TEF: variants seen among roughly 807,000 people sequenced by gnomAD.
TEF encodes the protein TEF transcription factor, PAR bZIP family member, also known as thyrotroph embryonic factor.
TEF carries 3 observed loss-of-function variants against 20.8 expected under a neutral mutation model. That is an observed-to-expected ratio of 0.14 (90% CI 0.07 to 0.37). The LOEUF (loss-of-function observed/expected upper bound fraction) is 0.37, where lower values mean the gene tolerates loss of function less well. TEF is among the 10% of genes least tolerant of loss of function. The probability of loss-of-function intolerance (pLI) is 1.00; values close to 1 mark genes in which losing one functional copy is unlikely to be tolerated. For missense variants in TEF, 296 were observed against 397.9 expected (o/e 0.74, Z 2.18); for synonymous variants, 180 against 171.1 (o/e 1.05, Z -0.41).
intron 1 of TEF, among the ~76,000 whole-genome samples, chr22:41,370,316 T>C (rs1020006470): frequency 6.7e-6 from 1 of 150,252 alleles, no homozygotes; most frequent in Admixed American, 6.7e-5. Flanking sequence ...GGTTTCACCA[T>C]GTTGGCCAAG....
rs1285954645 is a variant in TEF, at chr22:41,397,110, A to G, written c.*1150A>G. ...CTGCCCGGAGGGTGTCAGCAGGGCA[A>G]GACACCTAGTCTAGAGTCACCAAGG... On this transcript the variant is annotated 3_prime_UTR_variant, in exon 4 of 4. Coordinates refer to ENST00000266304, the MANE Select transcript of TEF (RefSeq NM_003216.4). The G allele has an allele frequency of 1.0e-5, 4 of 398,592 alleles. No homozygotes were observed. The highest frequency in any genetic ancestry group is 1.3e-5 in the Non-Finnish European group (3 of 226,148). 24.7% of individuals were successfully genotyped at this position (398,592 alleles called of 1,614,324 possible).
intron 1 of TEF, among the ~76,000 whole-genome samples, chr22:41,382,532 G>C (rs1007602036): frequency 1.3e-5 from 2 of 152,120 alleles, no homozygotes; most frequent in African/African-American, 4.8e-5. Context: ...TGTTTAAATT[G>C]CTGGTTCCTG....
At chr22:41,389,323 C>T (rs1347091171) in intron 2 of TEF, among the ~76,000 whole-genome samples, 1 of 152,060 alleles carries the variant, frequency 6.6e-6, no homozygotes, top group African/African-American at 2.4e-5. Flanking sequence ...ATGGCGTGAA[C>T]CCAGGAGGCA....
At position 41,382,126 on chromosome 22, in the gene TEF, G is replaced by GAAAGGGGCCT; in HGVS notation, c.83_92dup (p.Ser32LysfsTer26). 1 of 1,235,832 alleles carries GAAAGGGGCCT rather than the reference G, an allele frequency of 8.1e-7. No homozygotes were observed. The highest frequency in any genetic ancestry group is 1.0e-6 in the Non-Finnish European group (1 of 990,006). 76.6% of individuals were successfully genotyped at this position (1,235,832 alleles called of 1,614,324 possible). A position where few individuals can be genotyped will look rare whatever the true frequency, so the allele number is the denominator to read the frequency against. ...TCCGGGGCCGGGGCGCGCAGCTGGG[G>GAAAGGGGCCT]AAAGGGGCCTGTCGGGGTCCTTCCC... On this transcript the variant is annotated frameshift_variant, in exon 1 of 4. Coordinates refer to ENST00000266304, the MANE Select transcript of TEF (RefSeq NM_003216.4). LOFTEE classifies it high-confidence loss of function.
chr22:41,385,321 T>C (rs2037084545), intron 1 of TEF, among the ~76,000 whole-genome samples: 1 of 151,940 alleles, frequency 6.6e-6, no homozygotes, highest in Non-Finnish European at 1.5e-5. Context: ...GACCGCGCCA[T>C]TGCACTCCAG....
rs372197600 is a variant in TEF, at chr22:41,387,686, G to C, written c.475+18G>C. On this transcript the variant is annotated intron_variant, in intron 2 of 3. Transcript: ENST00000266304. The stretch of plus-strand genomic sequence containing the variant: ...CAGCACAGGTTGGTGAAAGGCCATC[G>C]AGGAGGGCCACCTGTCCCATCCAGG... The C allele has an allele frequency of 5.6e-6, 9 of 1,596,330 alleles. No individual in the cohort carries two copies. The South Asian group carries it at 6.7e-5, about 12-fold the overall frequency.
At chr22:41,381,039 G>A (rs1018596288), upstream of TEF, among the ~76,000 whole-genome samples, 1 of 152,192 alleles carries the variant, frequency 6.6e-6, no homozygotes, top group Non-Finnish European at 1.5e-5. Context: ...GCGGAAACAT[G>A]TACTCGGGCC....
intron 2 of TEF, among the ~76,000 whole-genome samples, chr22:41,389,835 A>G (rs894351873): frequency 6.6e-6 from 1 of 152,074 alleles, no homozygotes; most frequent in Non-Finnish European, 1.5e-5. Flanking sequence ...CAGCTTATCC[A>G]TTTAACCGTT....
chr22:41,388,444 ACTC>A (rs1299492105), intron 2 of TEF, among the ~76,000 whole-genome samples: 1 of 151,166 alleles, frequency 6.6e-6, no homozygotes, highest in Admixed American at 6.6e-5. Context: ...CTGGTCTTGA[ACTC>A]CTGACCTCAG....
intron 2 of TEF, among the ~76,000 whole-genome samples, chr22:41,389,819 G>A (rs1484335588): frequency 1.3e-5 from 2 of 152,004 alleles, no homozygotes; most frequent in East Asian, 3.8e-4. Flanking sequence ...TTGTACTAAC[G>A]TACCACAGCT....
Position 41,387,681 on chromosome 22 carries a change from C to G in TEF, c.475+13C>G. ...GTGTCCAGCACAGGTTGGTGAAAGGCCATCGAGGAGGGCCACCTGTCCCAT... is the reference window on the plus strand; with the variant it reads ...GTGTCCAGCACAGGTTGGTGAAAGGGCATCGAGGAGGGCCACCTGTCCCAT... On this transcript the variant is annotated intron_variant, in intron 2 of 3. Coordinates refer to ENST00000266304, the MANE Select transcript of TEF (RefSeq NM_003216.4). The G allele has an allele frequency of 1.2e-6, 2 of 1,601,460 alleles. No homozygotes were observed. Among genetic ancestry groups the G allele is most frequent in the Non-Finnish European group, 1.7e-6 (2 of 1,172,620 alleles).
intron 2 of TEF, among the ~76,000 whole-genome samples, chr22:41,389,801 G>C (rs1183947849): frequency 2.0e-5 from 3 of 152,120 alleles, no homozygotes; most frequent in Non-Finnish European, 2.9e-5. Flanking sequence ...TTGCTGAATA[G>C]TAGTCAATTG....
intron 1 of TEF, among the ~76,000 whole-genome samples, chr22:41,371,127 T>C (rs1360103339): frequency 6.6e-6 from 1 of 152,250 alleles, no homozygotes; most frequent in African/African-American, 2.4e-5. Flanking sequence ...ACTCCAGCTC[T>C]TAACGTCTTT....
chr22:41,385,031 G>A (rs928375634), intron 1 of TEF, among the ~76,000 whole-genome samples: 1 of 152,138 alleles, frequency 6.6e-6, no homozygotes, highest in African/African-American at 2.4e-5. Context: ...CTAGGATACA[G>A]GCGTGATCCC....
chr22:41,371,883 G>C (rs141850570), intron 1 of TEF, among the ~76,000 whole-genome samples: 2 of 152,258 alleles, frequency 1.3e-5, no homozygotes, highest in South Asian at 2.1e-4. Context: ...TGCTGGGGCA[G>C]AGGCAGGGGT....
At chr22:41,369,354 C>G (rs1423783197) in intron 1 of TEF, 1 of 722,140 alleles carries the variant, frequency 1.4e-6, no homozygotes, top group Admixed American at 6.3e-5. Flanking sequence ...CAAGCTGTGG[C>G]CGAGAATTAG....
intron 1 of TEF, chr22:41,367,716 G>A: frequency 9.7e-7 from 1 of 1,026,612 alleles, no homozygotes; most frequent in Non-Finnish European, 1.4e-6. Flanking sequence ...TCTCAGCAGT[G>A]GTGCGCCCTT....
Position 41,396,132 on chromosome 22 carries a change from G to T in TEF, c.*172G>T, listed in dbSNP as rs1365597031. 2.9e-6 allele frequency: 2 copies of T among 679,680 alleles called. No homozygotes were observed. Among genetic ancestry groups the T allele is most frequent in the African/African-American group, 3.6e-5 (2 of 55,250 alleles). The allele number at this position is 679,680 out of a possible 1,614,324, so 42.1% of individuals were successfully genotyped here. On this transcript the variant is annotated 3_prime_UTR_variant, in exon 4 of 4. Coordinates refer to ENST00000266304, the MANE Select transcript of TEF (RefSeq NM_003216.4). ...TCATTATACCATGGCCTGCGCACGT[G>T]GCGACGTCCCTGAGGGGCCAGTCTC... is the stretch of plus-strand genomic sequence containing the variant.
upstream of TEF, among the ~76,000 whole-genome samples, chr22:41,378,301 T>C (rs962489003): frequency 1.1e-4 from 16 of 150,100 alleles, no homozygotes; most frequent in African/African-American, 3.7e-4. Context: ...CCCGAGTAGC[T>C]GGGATTACAG....
Sources: gnomAD v4.1 joint callset for allele counts (sites outside exome capture counted in the v4.1 genomes callset) on GRCh38, gnomAD v4.1.1 for gene constraint, MANE v1.5 for transcripts, NCBI Gene and HGNC (gene_info 2026-07-23, HGNC 2026-07-21) for gene names.